AOC2: variants seen among roughly 807,000 people sequenced by gnomAD.
AOC2 encodes amine oxidase copper containing 2.
In AOC2, 57 loss-of-function variants were observed where a neutral mutation model predicts 53.8. The ratio of observed to expected loss-of-function variants is 1.06; its 90% CI spans 0.86 to 1.32. The LOEUF (loss-of-function observed/expected upper bound fraction) is 1.32, where lower values mean the gene tolerates loss of function less well. AOC2 is among the 40% of genes most tolerant of loss of function. The probability of loss-of-function intolerance (pLI) is 0.00; values close to 1 mark genes in which losing one functional copy is unlikely to be tolerated. For missense variants in AOC2, 1,008 were observed against 957.2 expected, an observed-to-expected ratio of 1.05 and a Z score of -0.70; for synonymous variants, 404 against 399.0, an observed-to-expected ratio of 1.01 and a Z score of -0.15.
chr17:42,846,594 T>G (rs1369281034), intron 1 of AOC2, among the ~76,000 whole-genome samples: 1 of 151,670 alleles, frequency 6.6e-6, no homozygotes, highest in Admixed American at 6.6e-5. Flanking sequence ...TGAGGGTCAG[T>G]AGGGGTGGGG....
chr17:42,850,339 C>T lies in AOC2; in HGVS notation c.2262C>T (p.His754=), dbSNP rs368810599. 25 of 1,598,284 alleles carry T rather than the reference C, an allele frequency of 1.6e-5. No homozygotes were observed. The highest frequency in any genetic ancestry group is 8.8e-5 in the South Asian group (8 of 90,470). The change falls in exon 4 of 4, where the codon CAC becomes CAT. Residue 754 remains histidine, a synonymous_variant. Coordinates refer to ENST00000253799, the MANE Select transcript of AOC2 (RefSeq NM_009590.4). ...CGGACTTACCCCCTTTCTCTTACCACGGCTTCTAGTCCTGAGGGTGTGGCG... is the reference window on the plus strand; with the variant it reads ...CGGACTTACCCCCTTTCTCTTACCATGGCTTCTAGTCCTGAGGGTGTGGCG... ...CVPDLPPFSY[H]GF
At chr17:42,848,879 G>C (rs2055620544) in intron 1 of AOC2, among the ~76,000 whole-genome samples, 1 of 152,086 alleles carries the variant, frequency 6.6e-6, no homozygotes, top group Non-Finnish European at 1.5e-5. Context: ...AGCCACGTGT[G>C]GCTAGTGGTT....
At chr17:42,849,826 C>T in intron 3 of AOC2, 96 bp downstream of exon 3, 1 of 1,555,480 alleles carries the variant, frequency 6.4e-7, no homozygotes, top group East Asian at 2.3e-5. Context: ...TGGCTGATTT[C>T]CAGTTCGCAG....
Position 42,850,095 on chromosome 17 carries a change from G to A in AOC2, c.2018G>A (p.Trp673Ter). ...TTCTTCTTGCAGGATCTGGTGGCTTGGGTCACAGCCAGCTTCCTGCACATT... is the reference window on the plus strand; with the variant it reads ...TTCTTCTTGCAGGATCTGGTGGCTTAGGTCACAGCCAGCTTCCTGCACATT... ...ETLLGEDLVA[W>*]VTASFLHIPH... Residue 673 changes from tryptophan (W) to a stop codon, truncating the protein, a stop_gained, in exon 4 of 4, where the codon TGG becomes TAG. Transcript: ENST00000253799. LOFTEE classifies it high-confidence loss of function. 1 of 1,613,760 alleles carries A rather than the reference G, an allele frequency of 6.2e-7. No homozygotes were observed. Among genetic ancestry groups the A allele is most frequent in the Non-Finnish European group, 8.5e-7 (1 of 1,179,680 alleles).
Position 42,845,721 on chromosome 17 carries a change from C to G in AOC2, c.1095C>G (p.Ile365Met), listed in dbSNP as rs753390036. 1 of 1,614,164 alleles carries G rather than the reference C, an allele frequency of 6.2e-7. No homozygotes were observed. Among genetic ancestry groups the G allele is most frequent in the South Asian group, 1.1e-5 (1 of 91,080 alleles). Reference sequence around the variant, plus strand: ...TCAGTGTCCAGGAGTGTGTATCTATCTATGGTGCCGATTCACCCAAGACGA... The same window carrying G: ...TCAGTGTCCAGGAGTGTGTATCTATGTATGGTGCCGATTCACCCAAGACGA... ...YEVSVQECVS[I>M]YGADSPKTML... The change falls in exon 1 of 4, where the codon ATC (isoleucine) becomes ATG (methionine). Residue 365 changes from isoleucine (I) to methionine (M), a missense_variant. Coordinates refer to ENST00000253799, the MANE Select transcript of AOC2 (RefSeq NM_009590.4).
In AOC2 at chr17:42,845,290, G is replaced by T. The variant is rs770412043; in HGVS notation, c.664G>T (p.Ala222Ser). The change falls in exon 1 of 4, where the codon GCC (alanine) becomes TCC (serine). Residue 222 changes from alanine (A) to serine (S), a missense_variant. Ala to Ser is a moderately conservative substitution (Grantham distance 99). Transcript: ENST00000253799. ...LRSGDRATWM[A>S]LYHNISGVGL... ...CTCAGGGGACCGAGCTACCTGGATG[G>T]CCCTCTACCATAACATCTCAGGGGT... is the stretch of plus-strand genomic sequence containing the variant. 2.5e-6 allele frequency: 4 copies of T among 1,614,140 alleles called. No individual in the cohort carries two copies. The highest frequency in any genetic ancestry group is 2.5e-6 in the Non-Finnish European group (3 of 1,180,032).
At position 42,844,677 on chromosome 17, in the gene AOC2, C is replaced by G; in HGVS notation, c.51C>G (p.Ile17Met). The change falls in exon 1 of 4, where the codon ATC (isoleucine) becomes ATG (methionine). Residue 17 changes from isoleucine to methionine, a missense_variant. Physicochemically the swap from Ile to Met is conservative, Grantham distance 10. Transcript: ENST00000253799. ...TCCTGGCACTGTCCCTCATTACCAT[C>G]TTTGCCCTGGCCTATGTTTTGCTGA... The part of the protein sequence containing the change: ...LAFLALSLIT[I>M]FALAYVLLTS... 6.2e-7 allele frequency: 1 copy of G among 1,614,206 alleles called. No homozygotes were observed. Among genetic ancestry groups the G allele is most frequent in the Non-Finnish European group, 8.5e-7 (1 of 1,180,024 alleles).
intron 1 of AOC2, among the ~76,000 whole-genome samples, chr17:42,847,763 C>T (rs962703433): frequency 4.0e-5 from 6 of 151,422 alleles, no homozygotes; most frequent in Non-Finnish European, 7.4e-5. Flanking sequence ...GGATGACAGG[C>T]ATACACTACC....
At position 42,850,410 on chromosome 17, in the gene AOC2, ATTCTC is replaced by A. The variant is rs757839016; in HGVS notation, c.*63_*67del. ...GTACTTTTCCCTGTTTCTACTTTCTATTCTCCGTGTTTTTATCACACCTGCTCCCC... is the reference window on the plus strand; with the variant it reads ...GTACTTTTCCCTGTTTCTACTTTCTACGTGTTTTTATCACACCTGCTCCCC... On this transcript the variant is annotated 3_prime_UTR_variant, in exon 4 of 4. Transcript: ENST00000253799. The A allele has an allele frequency of 2.1e-5, 31 of 1,501,590 alleles. No homozygotes were observed. The highest frequency in any genetic ancestry group is 2.7e-5 in the Non-Finnish European group (30 of 1,125,444). 93.0% of individuals were successfully genotyped at this position (1,501,590 alleles called of 1,614,324 possible). A position where few individuals can be genotyped will look rare whatever the true frequency, so the allele number is the denominator to read the frequency against.
intron 1 of AOC2, among the ~76,000 whole-genome samples, chr17:42,848,546 C>CGTATATATATATATATATATATACAT (rs1405077172): frequency 8.5e-6 from 1 of 117,690 alleles, no homozygotes; most frequent in African/African-American, 3.9e-5. Flanking sequence ...TATATATATA[C>CGTATATATATATATATATATATACAT]ATATATATAT....
intron 3 of AOC2, 114 bp downstream of exon 3, chr17:42,849,844 G>A: frequency 2.0e-6 from 3 of 1,494,890 alleles, no homozygotes; most frequent in Admixed American, 1.8e-5. Context: ...CAGATTCAGA[G>A]GCCATGGAGT....
chr17:42,845,443 C>T lies in AOC2; in HGVS notation c.817C>T (p.Arg273Trp), dbSNP rs375212352. Reference sequence around the variant, plus strand: ...CTATGCAGACTTGGGCCAGTTGGAACGGGAGTTTAAGTCTGGCCGGTTGGA... The same window carrying T: ...CTATGCAGACTTGGGCCAGTTGGAATGGGAGTTTAAGTCTGGCCGGTTGGA... ...HYYADLGQLE[R>W]EFKSGRLEVV... Residue 273 changes from arginine to tryptophan, a missense_variant, in exon 1 of 4, where the codon CGG becomes TGG. Coordinates refer to ENST00000253799, the MANE Select transcript of AOC2 (RefSeq NM_009590.4). 7.1e-5 allele frequency: 115 copies of T among 1,614,034 alleles called. No homozygotes were observed. Among genetic ancestry groups the T allele is most frequent in the Admixed American group, 1.3e-4 (8 of 60,010 alleles).
intron 3 of AOC2, 65 bp downstream of exon 3, chr17:42,849,795 C>G: frequency 1.9e-6 from 3 of 1,608,498 alleles, no homozygotes; most frequent in Non-Finnish European, 2.6e-6. Context: ...TGCCCAGCCT[C>G]TGGCCAAAGG....
In AOC2 at chr17:42,849,468, C is replaced by G. The variant is rs2055629374; in HGVS notation, c.1874+97C>G. 7.6e-6 allele frequency: 12 copies of G among 1,579,186 alleles called. No individual in the cohort carries two copies. The South Asian group carries it at 1.3e-4, about 17-fold the overall frequency. Reference sequence around the variant, plus strand: ...CCCTTCCCACGGCTACCATTCATCCCTGTACCTCCCCTCAAACCCAAGTTA... The same window carrying G: ...CCCTTCCCACGGCTACCATTCATCCGTGTACCTCCCCTCAAACCCAAGTTA... On this transcript the variant is annotated intron_variant, in intron 2 of 3. Transcript: ENST00000253799.
In AOC2 at chr17:42,848,253, T is replaced by A. The variant is rs577907072; in HGVS notation, c.1589-833T>A. Reference sequence around the variant, plus strand: ...TCCAAGACAAATATCATTATCCCTTTCATAGTTAAAAGAATGTCACTAGTC... The same window carrying A: ...TCCAAGACAAATATCATTATCCCTTACATAGTTAAAAGAATGTCACTAGTC... On this transcript the variant is annotated intron_variant, in intron 1 of 3. Transcript: ENST00000253799. Among the ~76,000 whole-genome samples the A allele has an allele frequency of 2.0e-5, 3 of 151,650 alleles. No individual in the cohort carries two copies. The East Asian group carries it at 5.8e-4, about 29-fold the overall frequency.
rs1038614075 is a variant in AOC2, at chr17:42,845,621, C to A, written c.995C>A (p.Thr332Asn). Residue 332 changes from threonine to asparagine, a missense_variant, in exon 1 of 4, where the codon ACC becomes AAC. By Grantham distance (65) the Thr-to-Asn change is moderately conservative. Coordinates refer to ENST00000253799, the MANE Select transcript of AOC2 (RefSeq NM_009590.4). The stretch of plus-strand genomic sequence containing the variant: ...GTGGTATCCTCCCTCTGGTCATTTA[C>A]CTTTGGCCATGGGGTGTTCAGCGGC... ...NLVVSSLWSFTFGHGVFSGLR... is the reference protein window; with the variant it reads ...NLVVSSLWSFNFGHGVFSGLR... 1.9e-6 allele frequency: 3 copies of A among 1,614,062 alleles called. No individual in the cohort carries two copies. Among genetic ancestry groups the A allele is most frequent in the Admixed American group, 1.7e-5 (1 of 60,006 alleles).
Position 42,849,628 on chromosome 17 carries a change from GGA to G in AOC2, c.1904_1905del (p.Glu635GlyfsTer7). 6 of 1,614,220 alleles carry G rather than the reference GGA, an allele frequency of 3.7e-6. No individual in the cohort carries two copies. In the East Asian group the frequency reaches 1.3e-4, roughly 36 times the overall value. On this transcript the variant is annotated frameshift_variant, in exon 3 of 4. Transcript: ENST00000253799. LOFTEE classifies it high-confidence loss of function. The stretch of plus-strand genomic sequence containing the variant: ...ACCAGCTTGTGGTGACCCAGAGAAA[GGA>G]GGAGGAGTCACAGAGCAGTAGCATC... ...RYQLVVTQRK[E>X]EESQSSSIYH...
intron 2 of AOC2, 23 bp from the exon 3 acceptor site, chr17:42,849,578 A>G: frequency 6.2e-7 from 1 of 1,614,158 alleles, no homozygotes; most frequent in Non-Finnish European, 8.5e-7. Flanking sequence ...TCCCAAAACC[A>G]CCTTCTTATG....
In AOC2 at chr17:42,845,346, G is replaced by GGA; in HGVS notation, c.720_721insGA (p.Leu241AspfsTer57). 2.5e-6 allele frequency: 4 copies of GGA among 1,614,216 alleles called. No individual in the cohort carries two copies. Among genetic ancestry groups the GGA allele is most frequent in the Non-Finnish European group, 3.4e-6 (4 of 1,180,040 alleles). The stretch of plus-strand genomic sequence containing the variant: ...TTTTCCTTCACCCCGTGGGGCTGGA[G>GGA]CTACTACTGGACCACAGGGCCCTGG... On this transcript the variant is annotated frameshift_variant, in exon 1 of 4. Transcript: ENST00000253799. LOFTEE classifies it high-confidence loss of function.
Sources: allele counts gnomAD v4.1 joint callset (sites outside exome capture counted in the v4.1 genomes callset), GRCh38; gene constraint gnomAD v4.1.1; transcripts MANE v1.5; gene names NCBI Gene and HGNC (gene_info 2026-07-23, HGNC 2026-07-21).